Variants in PTPRN2 observed in about 807,000 individuals in gnomAD.
The protein encoded by PTPRN2 is protein tyrosine phosphatase receptor type N2, also known as receptor-type tyrosine-protein phosphatase N2.
Under a neutral mutation model 118.8 loss-of-function variants are expected in PTPRN2, and 74 were observed. The ratio of observed to expected loss-of-function variants is 0.62; its 90% confidence interval spans 0.52 to 0.76. The LOEUF (loss-of-function observed/expected upper bound fraction) is 0.76, where lower values mean the gene tolerates loss of function less well. Ranked by LOEUF, PTPRN2 falls within the 30% of genes least tolerant of loss-of-function variation. The probability of loss-of-function intolerance (pLI) is 0.00; values close to 1 mark genes in which losing one functional copy is unlikely to be tolerated. For missense variants in PTPRN2, 1,481 were observed against 1,394.4 expected (o/e 1.06, Z -0.99); for synonymous variants, 641 against 608.0 (o/e 1.05, Z -0.80).
intron 12 of PTPRN2, among the ~76,000 whole-genome samples, chr7:157,793,190 G>A (rs1563114890): frequency 1.3e-5 from 2 of 152,152 alleles, no homozygotes; most frequent in South Asian, 2.1e-4. Flanking sequence ...GCACCCAGCC[G>A]AGAGTCCCCT....
At chr7:158,533,334 C>T (rs891095210) in intron 1 of PTPRN2, among the ~76,000 whole-genome samples, 4 of 152,250 alleles carry the variant, frequency 2.6e-5, no homozygotes, top group Non-Finnish European at 4.4e-5. Flanking sequence ...CCCAACAAAA[C>T]TTTGCCAAAC....
At chr7:157,836,502 T>C (rs918344159) in intron 12 of PTPRN2, among the ~76,000 whole-genome samples, 29 of 152,070 alleles carry the variant, frequency 1.9e-4, no homozygotes, top group African/African-American at 7.0e-4. Context: ...CAATAGCACA[T>C]GGGTTGAAGA....
Position 158,489,770 on chromosome 7 carries a change from T to C in PTPRN2, c.128A>G (p.Glu43Gly). The change falls in exon 2 of 23, where the codon GAG becomes GGG. Residue 43 changes from glutamate to glycine, a missense_variant. By Grantham distance (98) the Glu-to-Gly change is moderately conservative. Coordinates refer to ENST00000389418, the MANE Select transcript of PTPRN2 (RefSeq NM_002847.5). ...LPGRLGCLLE[E>G]GLCGASEACV... ...GGCCTCGGACGCTCCGCAGAGGCCC[T>C]CCTCGAGCAGGCAGCCTGCGGGGAA... 6.3e-7 allele frequency: 1 copy of C among 1,581,128 alleles called. No individual in the cohort carries two copies. Among genetic ancestry groups the C allele is most frequent in the Non-Finnish European group, 8.6e-7 (1 of 1,164,536 alleles).
chr7:157,754,716 G>A (rs148269201), intron 12 of PTPRN2, among the ~76,000 whole-genome samples: 11 of 152,362 alleles, frequency 7.2e-5, no homozygotes, highest in Admixed American at 2.6e-4. Flanking sequence ...CTTGGCATGC[G>A]TGTTTTCTTT....
At chr7:158,075,365 G>A (rs983854642) in intron 11 of PTPRN2, among the ~76,000 whole-genome samples, 3 of 152,152 alleles carry the variant, frequency 2.0e-5, no homozygotes, top group Non-Finnish European at 2.9e-5. Context: ...CCTTACCAAT[G>A]TTCCTGTCTG....
intron 1 of PTPRN2, among the ~76,000 whole-genome samples, chr7:158,528,608 A>T (rs1824970698): frequency 6.6e-6 from 1 of 151,516 alleles, no homozygotes; most frequent in Admixed American, 6.6e-5. Flanking sequence ...AACACGGTGA[A>T]ACCCCGTCTC....
intron 11 of PTPRN2, among the ~76,000 whole-genome samples, chr7:158,067,758 AGCAGCACACCGGGTCAGGCCGGGCCGCGG>A (rs1194934300): frequency 1.3e-5 from 2 of 151,778 alleles, no homozygotes; most frequent in Non-Finnish European, 2.9e-5. Flanking sequence ...TCCTTCCCAG[AGCAGCACACCGGGTCAGGCCGGGCCGCGG>A]GCAGCACACC....
At chr7:158,558,555 T>C (rs1348660607) in intron 1 of PTPRN2, among the ~76,000 whole-genome samples, 2 of 151,910 alleles carry the variant, frequency 1.3e-5, no homozygotes, top group Admixed American at 1.3e-4. Flanking sequence ...GCAGGGTACC[T>C]CCAGCCAATA....
chr7:157,658,182 G>T (rs1233068461), intron 13 of PTPRN2, among the ~76,000 whole-genome samples: 1 of 152,226 alleles, frequency 6.6e-6, no homozygotes, highest in Non-Finnish European at 1.5e-5. Flanking sequence ...ATAAGCCACA[G>T]GGGAGGCCGG....
rs374000400 is a variant in PTPRN2 at position 157,587,407 on chromosome 7, T to G, written c.2496+7831A>C. ...GCAGGCAGTTGGAAGGAAACACCGT[T>G]AAATTCTTTGGGTCTTCCACAGTTC... On this transcript the variant is annotated intron_variant, in intron 17 of 22. Transcript: ENST00000389418. The surrounding 1 kb of genome is among the most constrained non-coding windows in gnomAD (Gnocchi z 5.3). Among the ~76,000 whole-genome samples, 6 of 152,352 alleles carry G rather than the reference T, an allele frequency of 3.9e-5. No individual in the cohort carries two copies. In the East Asian group the frequency reaches 9.6e-4, roughly 25 times the overall value.
rs965999265 is a variant in PTPRN2 at position 157,787,982 on chromosome 7, C to T, written c.1789-105045G>A. On this transcript the variant is annotated intron_variant, in intron 12 of 22. Coordinates refer to ENST00000389418, the MANE Select transcript of PTPRN2 (RefSeq NM_002847.5). The surrounding 1 kb of genome is among the most constrained non-coding windows in gnomAD (Gnocchi z 5.3). ...CCGGGTCCCCTGGGAACCACGCAGCCGGGGCCTGGAGGCCGACACAAGCCA... is the reference window on the plus strand; with the variant it reads ...CCGGGTCCCCTGGGAACCACGCAGCTGGGGCCTGGAGGCCGACACAAGCCA... Among the ~76,000 whole-genome samples, 3 of 152,154 alleles carry T rather than the reference C, an allele frequency of 2.0e-5. No individual in the cohort carries two copies. Among genetic ancestry groups the T allele is most frequent in the East Asian group, 3.9e-4 (2 of 5,174 alleles).
At chr7:158,289,621 A>G (rs1799976205) in intron 3 of PTPRN2, among the ~76,000 whole-genome samples, 1 of 152,010 alleles carries the variant, frequency 6.6e-6, no homozygotes, top group Non-Finnish European at 1.5e-5. Flanking sequence ...TCCTTCAAAC[A>G]CTTACTTTGA....
At chr7:157,849,614 G>A (rs1015846782) in intron 12 of PTPRN2, among the ~76,000 whole-genome samples, 2 of 152,212 alleles carry the variant, frequency 1.3e-5, no homozygotes, top group Non-Finnish European at 2.9e-5. Flanking sequence ...AACACCTGAG[G>A]CTTTTCTTCC....
intron 12 of PTPRN2, among the ~76,000 whole-genome samples, chr7:157,850,666 C>T (rs1016037134): frequency 2.6e-5 from 4 of 152,176 alleles, no homozygotes; most frequent in Admixed American, 6.5e-5. Context: ...CTGGACCCTC[C>T]AATTCCTTGA....
chr7:158,182,582 T>C (rs947544474), intron 5 of PTPRN2, among the ~76,000 whole-genome samples: 19 of 152,208 alleles, frequency 1.2e-4, no homozygotes, highest in Non-Finnish European at 5.9e-5. Context: ...TGTTTGATTT[T>C]CTGTTCCTGT....
At chr7:157,921,640 C>G (rs1265918295) in intron 11 of PTPRN2, among the ~76,000 whole-genome samples, 1 of 152,190 alleles carries the variant, frequency 6.6e-6, no homozygotes, top group Non-Finnish European at 1.5e-5. Context: ...AAGGCGAGCC[C>G]AGCCCCTCAT....
intron 10 of PTPRN2, among the ~76,000 whole-genome samples, chr7:158,106,022 C>G (rs2150357609): frequency 6.6e-6 from 1 of 152,136 alleles, no homozygotes; most frequent in African/African-American, 2.4e-5. Context: ...CCCCATCTCT[C>G]TTCTGTTTTA....
rs1485397990 is a variant in PTPRN2 at position 157,974,592 on chromosome 7, G to A, written c.1724-75855C>T. Among the ~76,000 whole-genome samples the A allele has an allele frequency of 6.6e-6, 1 of 151,982 alleles. No individual in the cohort carries two copies. The highest frequency in any genetic ancestry group is 1.5e-5 in the Non-Finnish European group (1 of 68,000). On this transcript the variant is annotated intron_variant, in intron 11 of 22. Coordinates refer to ENST00000389418, the MANE Select transcript of PTPRN2 (RefSeq NM_002847.5). This position sits in a 1 kb window ranked among gnomAD's most constrained non-coding sequence, Gnocchi z 4.0. ...CTCTGGTCTCAGCCGGCAGGGGTGG[G>A]TGGGACCTCAGACCTCAGCGGGTGA...
rs1480707909 is a variant in PTPRN2, at chr7:158,177,593, T to TA, written c.550-10303dup. On this transcript the variant is annotated intron_variant, in intron 5 of 22. Transcript: ENST00000389418. ...ATCCCGACCAGCTTTCTGTCCCTTA[T>TA]AACCCAGTTTGCATTTTCTACAGCT... 7.2e-5 allele frequency among the ~76,000 whole-genome samples: 11 copies of TA among 152,326 alleles called. No homozygotes were observed. The East Asian group carries it at 2.1e-3, about 29-fold the overall frequency.
Sources: allele counts gnomAD v4.1 joint callset (sites outside exome capture counted in the v4.1 genomes callset), GRCh38; gene constraint gnomAD v4.1.1; non-coding constraint Gnocchi (gnomAD v3.1); transcripts MANE v1.5; gene names NCBI Gene and HGNC (gene_info 2026-07-23, HGNC 2026-07-21).